The following RASGRF2 variants were observed in gnomAD, a reference collection of about 807,000 sequenced individuals.
RASGRF2 encodes the protein ras-specific guanine nucleotide-releasing factor 2.
Under a neutral mutation model 151.0 loss-of-function variants are expected in RASGRF2, and 76 were observed. The ratio of observed to expected loss-of-function variants is 0.50; its 90% CI spans 0.42 to 0.61. The LOEUF is 0.61. RASGRF2 is among the 20% of genes least tolerant of loss of function. RASGRF2 has a pLI of 0.00. For missense variants in RASGRF2, 1,148 were observed against 1,564.6 expected (o/e 0.73, Z 4.49); for synonymous variants, 504 against 566.5 (o/e 0.89, Z 1.57).
chr5:81,030,792 A>G (rs978573861), intron 1 of RASGRF2, among the ~76,000 whole-genome samples: 10 of 152,236 alleles, frequency 6.6e-5, no homozygotes, highest in Non-Finnish European at 1.3e-4. Flanking sequence ...TCAGATTCAC[A>G]CATAACAATA....
At chr5:81,055,363 C>T (rs1316185550) in intron 2 of RASGRF2, among the ~76,000 whole-genome samples, 2 of 152,032 alleles carry the variant, frequency 1.3e-5, no homozygotes, top group African/African-American at 4.8e-5. Context: ...TCAAAGGCCT[C>T]TTCTGGATCT....
chr5:81,016,229 CAG>C (rs1232080360), intron 1 of RASGRF2, among the ~76,000 whole-genome samples: 2 of 152,146 alleles, frequency 1.3e-5, no homozygotes, highest in Non-Finnish European at 2.9e-5. Context: ...TTTAACAAAA[CAG>C]AGAGGAATCA....
intron 17 of RASGRF2, among the ~76,000 whole-genome samples, chr5:81,142,531 G>A (rs28820): frequency 0.37 from 56,381 of 151,768 alleles, 11,741 homozygotes; most frequent in East Asian, 0.81. Flanking sequence ...TCTTATATGG[G>A]GCCCTCACCA....
At chr5:80,966,107 G>A (rs1448763143) in intron 1 of RASGRF2, among the ~76,000 whole-genome samples, 3 of 150,016 alleles carry the variant, frequency 2.0e-5, no homozygotes, top group African/African-American at 4.9e-5. Context: ...GTGTGTGTGT[G>A]TATGTGTGTG....
chr5:81,223,619 C>A (rs1021847411), intron 26 of RASGRF2: 7 of 150,788 alleles, frequency 4.6e-5, no homozygotes, highest in Non-Finnish European at 1.0e-4. Flanking sequence ...CCAGCCTGGG[C>A]GACAGAGCGA....
intron 17 of RASGRF2, among the ~76,000 whole-genome samples, chr5:81,166,248 G>A (rs367667615): frequency 3.2e-4 from 49 of 151,942 alleles, no homozygotes; most frequent in Middle Eastern, 3.4e-3. Flanking sequence ...ATGCAGTGGC[G>A]CCATCTCAGC....
chr5:80,994,365 C>CA (rs11411890), intron 1 of RASGRF2, among the ~76,000 whole-genome samples: 79,832 of 115,058 alleles, frequency 0.69, 28,295 homozygotes, highest in South Asian at 0.79. Context: ...CACTCTGTCT[C>CA]AAAAAAAAAA....
intron 2 of RASGRF2, among the ~76,000 whole-genome samples, chr5:81,047,983 T>G (rs1371959685): frequency 6.6e-6 from 1 of 152,172 alleles, no homozygotes; most frequent in East Asian, 1.9e-4. Flanking sequence ...CAGCAAGGTA[T>G]ATAGTATAAA....
At chr5:80,995,286 C>T (rs532550) in intron 1 of RASGRF2, among the ~76,000 whole-genome samples, 1 of 150,926 alleles carries the variant, frequency 6.6e-6, no homozygotes, top group Non-Finnish European at 1.5e-5. Context: ...TTACTTAGGC[C>T]CCTTTGTGGT....
intron 1 of RASGRF2, among the ~76,000 whole-genome samples, chr5:81,012,742 G>A (rs13177252): frequency 0.22 from 32,790 of 151,736 alleles, 3,603 homozygotes; most frequent in Admixed American, 0.25. Context: ...CTTTCTCAGC[G>A]AACACTTATT....
At chr5:81,106,089 G>C (rs1314396584) in intron 12 of RASGRF2, among the ~76,000 whole-genome samples, 6 of 152,160 alleles carry the variant, frequency 3.9e-5, no homozygotes, top group Non-Finnish European at 7.3e-5. Flanking sequence ...AACATAGACT[G>C]TCTAACTTTG....
At chr5:81,132,824 G>A (rs752914642) in intron 17 of RASGRF2, among the ~76,000 whole-genome samples, 1 of 152,124 alleles carries the variant, frequency 6.6e-6, no homozygotes, top group Non-Finnish European at 1.5e-5. Flanking sequence ...TAGGCCTGAT[G>A]TTTATACAAT....
chr5:80,990,285 C>T (rs1748609640), intron 1 of RASGRF2, among the ~76,000 whole-genome samples: 1 of 151,824 alleles, frequency 6.6e-6, no homozygotes, highest in African/African-American at 2.4e-5. Context: ...ACAAAGGCAC[C>T]AATGTGTTGT....
intron 1 of RASGRF2, among the ~76,000 whole-genome samples, chr5:80,980,511 G>A (rs2112237310): frequency 6.6e-6 from 1 of 152,266 alleles, no homozygotes; most frequent in East Asian, 1.9e-4. Flanking sequence ...GCATGGTGGT[G>A]CACGCCTATA....
chr5:81,230,000 ATGTG>A lies in RASGRF2; in HGVS notation c.*4235_*4238del, dbSNP rs1285645187. ...TTGAGTGTGTGTGTGATGGACGAAT[ATGTG>A]TGTGAGTTTGAGAAGCATATCGTTC... On this transcript the variant is annotated 3_prime_UTR_variant, in exon 27 of 27. Coordinates refer to ENST00000265080, the MANE Select transcript of RASGRF2 (RefSeq NM_006909.3). 6.6e-6 allele frequency: 1 copy of A among 152,216 alleles called. No individual in the cohort carries two copies. Among genetic ancestry groups the A allele is most frequent in the African/African-American group, 2.4e-5 (1 of 41,460 alleles). The allele number at this position is 152,216 out of a possible 1,614,324, so 9.4% of individuals were successfully genotyped here.
chr5:81,225,513 CTT>C (rs11341888), intron 26 of RASGRF2, among the ~76,000 whole-genome samples, 163 bp from the exon 27 acceptor site: 2,862 of 141,356 alleles, frequency 0.02, 75 homozygotes, highest in African/African-American at 0.064. Context: ...AGATGTTCAC[CTT>C]TTTTTTTTTT....
chr5:81,082,624 G>A (rs1222317637), intron 7 of RASGRF2, among the ~76,000 whole-genome samples: 1 of 152,168 alleles, frequency 6.6e-6, no homozygotes, highest in Non-Finnish European at 1.5e-5. Context: ...TAGTTCTGAT[G>A]TTTTGGATTG....
At chr5:80,996,503 T>A (rs1225725847) in intron 1 of RASGRF2, among the ~76,000 whole-genome samples, 1 of 39,620 alleles carries the variant, frequency 2.5e-5, no homozygotes, top group African/African-American at 9.4e-5. Context: ...TTCTTCTTCT[T>A]CCTCCTCCTC....
chr5:81,042,856 TG>T lies in RASGRF2; in HGVS notation c.289-20del. The T allele has an allele frequency of 6.4e-7, 1 of 1,550,818 alleles. No individual in the cohort carries two copies. Among genetic ancestry groups the T allele is most frequent in the South Asian group, 1.2e-5 (1 of 86,096 alleles). Reference sequence around the variant, plus strand: ...GCTTGAAAAATAGAACTAAGTTTTTTGTGTTTCTTTTTCTTTCCAGTATTAC... The same window carrying T: ...GCTTGAAAAATAGAACTAAGTTTTTTTGTTTCTTTTTCTTTCCAGTATTAC... On this transcript the variant is annotated intron_variant, in intron 1 of 26. Coordinates refer to ENST00000265080, the MANE Select transcript of RASGRF2 (RefSeq NM_006909.3).
Sources: gnomAD v4.1 joint callset for allele counts (sites outside exome capture counted in the v4.1 genomes callset) on GRCh38, gnomAD v4.1.1 for gene constraint, MANE v1.5 for transcripts, NCBI Gene and HGNC (gene_info 2026-07-23, HGNC 2026-07-21) for gene names.